The following LEKR1 variants were observed in gnomAD, a reference collection of about 807,000 sequenced individuals.
LEKR1 encodes the protein protein LEKR1.
A neutral mutation model predicts 72.4 loss-of-function variants in LEKR1; 59 were observed. The observed-to-expected ratio is 0.82, with a 90% CI of 0.66 to 1.01. The LOEUF (loss-of-function observed/expected upper bound fraction) is 1.01, where lower values mean the gene tolerates loss of function less well. LEKR1 is among the 50% of genes least tolerant of loss of function. The pLI, the probability that LEKR1 is intolerant of heterozygous loss-of-function variation, is 0.00. For missense variants in LEKR1, 728 were observed against 759.2 expected (o/e 0.96, Z 0.48); for synonymous variants, 257 against 263.2 (o/e 0.98, Z 0.23).
chr3:156,838,151 G>T (rs1195210488), intron 2 of LEKR1, among the ~76,000 whole-genome samples: 1 of 152,158 alleles, frequency 6.6e-6, no homozygotes, highest in East Asian at 1.9e-4. Context: ...GTGGGGTGGG[G>T]TGTTCTCCAA....
intron 6 of LEKR1, among the ~76,000 whole-genome samples, chr3:156,954,731 C>T (rs1250741034): frequency 6.6e-6 from 1 of 152,014 alleles, no homozygotes; most frequent in Non-Finnish European, 1.5e-5. Context: ...TGTTTTTGTA[C>T]TGGTACCATG....
chr3:156,840,905 C>A (rs982323392), intron 2 of LEKR1, among the ~76,000 whole-genome samples: 6 of 152,152 alleles, frequency 3.9e-5, no homozygotes, highest in African/African-American at 1.4e-4. Context: ...TCCTCTTGCC[C>A]TGAACTAAGT....
At chr3:157,022,769 A>G (rs946673138) in intron 10 of LEKR1, among the ~76,000 whole-genome samples, 18 of 152,164 alleles carry the variant, frequency 1.2e-4, no homozygotes, top group African/African-American at 4.3e-4. Flanking sequence ...GTGCCCCCTG[A>G]GACTTCCTTT....
At chr3:157,011,797 C>G in intron 10 of LEKR1, among the ~76,000 whole-genome samples, 1 of 152,068 alleles carries the variant, frequency 6.6e-6, no homozygotes, top group East Asian at 1.9e-4. Context: ...TCCTCATCAA[C>G]TATCACAATC....
intron 3 of LEKR1, among the ~76,000 whole-genome samples, chr3:156,908,353 A>G (rs779970596): frequency 3.3e-5 from 5 of 151,890 alleles, no homozygotes; most frequent in Non-Finnish European, 7.4e-5. Flanking sequence ...TTTAATGGTG[A>G]TTTTCTCATT....
intron 2 of LEKR1, among the ~76,000 whole-genome samples, chr3:156,836,781 A>G (rs893108319): frequency 3.9e-5 from 6 of 152,232 alleles, no homozygotes; most frequent in Non-Finnish European, 7.4e-5. Flanking sequence ...GAAGCTGTCC[A>G]TGGAGAAGAA....
chr3:157,045,569 T>C lies in LEKR1; in HGVS notation c.1898T>C (p.Ile633Thr), dbSNP rs758518544. 3.2e-5 allele frequency: 52 copies of C among 1,613,956 alleles called. No individual in the cohort carries two copies. The highest frequency in any genetic ancestry group is 5.0e-5 in the Admixed American group (3 of 59,980). The part of the protein sequence containing the change: ...ARLNSEKGIQ[I>T]PNLRGVSKPT... Reference sequence around the variant, plus strand: ...CTGAACTCTGAAAAAGGAATCCAAATTCCCAACCTGCGCGGGGTGTCAAAA... The same window carrying C: ...CTGAACTCTGAAAAAGGAATCCAAACTCCCAACCTGCGCGGGGTGTCAAAA... Residue 633 changes from isoleucine to threonine, a missense_variant, in exon 13 of 13, where the codon ATT becomes ACT. Coordinates refer to ENST00000356539, the MANE Select transcript of LEKR1 (RefSeq NM_001004316.3).
At chr3:156,849,470 A>T (rs1218386188) in intron 2 of LEKR1, among the ~76,000 whole-genome samples, 2 of 152,226 alleles carry the variant, frequency 1.3e-5, no homozygotes, top group Non-Finnish European at 2.9e-5. Context: ...AGCCAAAAGA[A>T]CAAAGCTGGA....
At chr3:156,989,077 G>T (rs961924097) in intron 7 of LEKR1, among the ~76,000 whole-genome samples, 1 of 152,104 alleles carries the variant, frequency 6.6e-6, no homozygotes, top group African/African-American at 2.4e-5. Flanking sequence ...TGATCCACCT[G>T]CCTTGGCTCC....
intron 6 of LEKR1, among the ~76,000 whole-genome samples, chr3:156,960,694 A>C (rs559962634): frequency 7.4e-4 from 112 of 152,034 alleles, no homozygotes; most frequent in Middle Eastern, 3.4e-3. Flanking sequence ...ATGCTCAAAA[A>C]TTTAAATACA....
chr3:157,019,255 A>C (rs2108029417), intron 10 of LEKR1, among the ~76,000 whole-genome samples: 2 of 152,312 alleles, frequency 1.3e-5, no homozygotes, highest in Middle Eastern at 3.4e-3. Flanking sequence ...CTCCATGTTC[A>C]ATAAGAAAAA....
At chr3:156,982,855 G>GTGTAGATAGA (rs1373147511) in intron 7 of LEKR1, among the ~76,000 whole-genome samples, 3 of 139,998 alleles carry the variant, frequency 2.1e-5, no homozygotes, top group African/African-American at 5.9e-5. Context: ...GTGTGTGTGT[G>GTGTAGATAGA]TAGATAGATA....
chr3:156,888,913 A>G (rs1720376055), intron 3 of LEKR1, among the ~76,000 whole-genome samples: 1 of 152,180 alleles, frequency 6.6e-6, no homozygotes, highest in African/African-American at 2.4e-5. Context: ...CTTAAGCATA[A>G]CCTGTTTTGT....
intron 2 of LEKR1, among the ~76,000 whole-genome samples, chr3:156,837,968 G>A (rs1713368504): frequency 2.0e-5 from 3 of 152,136 alleles, no homozygotes; most frequent in African/African-American, 7.2e-5. Context: ...ACCTCATTTT[G>A]CAAGATGTAG....
chr3:156,993,369 C>A, intron 9 of LEKR1, 92 bp downstream of exon 9: 1 of 778,654 alleles, frequency 1.3e-6, no homozygotes, highest in Non-Finnish European at 2.1e-6. Context: ...CATATTATAA[C>A]AATAGTGAAA....
intron 6 of LEKR1, among the ~76,000 whole-genome samples, chr3:156,958,171 TG>T: frequency 6.6e-6 from 1 of 152,292 alleles, no homozygotes; most frequent in Non-Finnish European, 1.5e-5. Flanking sequence ...TGTTTTGTTT[TG>T]TTTTAACAAC....
intron 6 of LEKR1, among the ~76,000 whole-genome samples, chr3:156,955,609 G>A (rs1727553965): frequency 6.6e-6 from 1 of 151,944 alleles, no homozygotes. Flanking sequence ...TCATCATGTG[G>A]TTTTTGTCTT....
intron 2 of LEKR1, chr3:156,852,242 T>C (rs2108537704): frequency 6.6e-6 from 1 of 152,358 alleles, no homozygotes; most frequent in South Asian, 2.1e-4. Context: ...GTTCAAAGTA[T>C]TTTTCCTATT....
At chr3:156,845,963 C>T (rs906118990) in intron 2 of LEKR1, among the ~76,000 whole-genome samples, 4 of 151,918 alleles carry the variant, frequency 2.6e-5, no homozygotes, top group South Asian at 2.1e-4. Context: ...TATCTCTCTC[C>T]GTTTATTTAG....
Sources: gnomAD v4.1 joint callset for allele counts (sites outside exome capture counted in the v4.1 genomes callset) on GRCh38, gnomAD v4.1.1 for gene constraint, MANE v1.5 for transcripts, NCBI Gene and HGNC (gene_info 2026-07-23, HGNC 2026-07-21) for gene names.